Variants in CNTNAP2 observed in about 807,000 individuals in gnomAD.
The protein encoded by CNTNAP2 is contactin associated protein 2.
Under a neutral mutation model 155.2 loss-of-function variants are expected in CNTNAP2, and 98 were observed. That is an observed-to-expected ratio of 0.63 (90% CI 0.54 to 0.75). CNTNAP2 has a LOEUF of 0.75. CNTNAP2 is among the 30% of genes least tolerant of loss of function. The pLI, the probability that CNTNAP2 is intolerant of heterozygous loss-of-function variation, is 0.00. For missense variants in CNTNAP2, 1,727 were observed against 1,688.1 expected (o/e 1.02, Z -0.40); for synonymous variants, 651 against 631.2 (o/e 1.03, Z -0.47).
At chr7:146,611,246 C>T (rs1432737820) in intron 1 of CNTNAP2, among the ~76,000 whole-genome samples, 1 of 152,094 alleles carries the variant, frequency 6.6e-6, no homozygotes, top group Non-Finnish European at 1.5e-5. Flanking sequence ...CCCATTAGGC[C>T]CAGCTAATTT....
chr7:146,393,109 C>G (rs10487936), intron 1 of CNTNAP2, among the ~76,000 whole-genome samples: 37,168 of 151,980 alleles, frequency 0.24, 5,044 homozygotes, highest in Admixed American at 0.4. Flanking sequence ...TAACTGATAA[C>G]GTGCATACAT....
intron 9 of CNTNAP2, among the ~76,000 whole-genome samples, chr7:147,352,326 G>A (rs2116880363): frequency 6.6e-6 from 1 of 152,014 alleles, no homozygotes; most frequent in South Asian, 2.1e-4. Flanking sequence ...TTTGAGATAT[G>A]GCAGAGGATC....
At chr7:148,091,546 A>C (rs1803841804) in intron 15 of CNTNAP2, among the ~76,000 whole-genome samples, 1 of 152,160 alleles carries the variant, frequency 6.6e-6, no homozygotes, top group Admixed American at 6.5e-5. Flanking sequence ...TAAAAAGGCA[A>C]TTTTTCTTTA....
intron 10 of CNTNAP2, among the ~76,000 whole-genome samples, chr7:147,479,095 T>A (rs1798374319): frequency 6.6e-6 from 1 of 152,190 alleles, no homozygotes; most frequent in African/African-American, 2.4e-5. Context: ...AACTCACTGA[T>A]TTATTACTTC....
Position 147,121,077 on chromosome 7 carries a change from G to A in CNTNAP2, c.853G>A (p.Gly285Arg). ...HWHSVVIERQ[G>R]RSINLTLDRS... ...GCACTCTGTGGTCATTGAGCGCCAG[G>A]GGCGGAGCATTAACCTCACTCTGGA... Residue 285 changes from glycine to arginine, a missense_variant, in exon 6 of 24, where the codon GGG becomes AGG. By Grantham distance (125) the Gly-to-Arg change is moderately radical. Transcript: ENST00000361727. 6.2e-7 allele frequency: 1 copy of A among 1,614,094 alleles called. No individual in the cohort carries two copies. The highest frequency in any genetic ancestry group is 8.5e-7 in the Non-Finnish European group (1 of 1,180,004).
intron 2 of CNTNAP2, among the ~76,000 whole-genome samples, chr7:146,791,363 C>T (rs1802670966): frequency 6.6e-6 from 1 of 152,110 alleles, no homozygotes; most frequent in East Asian, 1.9e-4. Flanking sequence ...GGGTTGATTC[C>T]AAGTCCTTGC....
At chr7:147,233,789 T>C (rs1803738086) in intron 8 of CNTNAP2, among the ~76,000 whole-genome samples, 1 of 151,986 alleles carries the variant, frequency 6.6e-6, no homozygotes, top group Non-Finnish European at 1.5e-5. Context: ...AAAATGTATA[T>C]GTCTAAAACA....
At chr7:147,405,124 G>A (rs992035851) in intron 10 of CNTNAP2, among the ~76,000 whole-genome samples, 50 of 152,248 alleles carry the variant, frequency 3.3e-4, no homozygotes, top group African/African-American at 1.1e-3. Flanking sequence ...GTGCATTAAA[G>A]TAATGTCAGA....
At chr7:146,244,730 A>G (rs909324515) in intron 1 of CNTNAP2, among the ~76,000 whole-genome samples, 2 of 152,124 alleles carry the variant, frequency 1.3e-5, no homozygotes, top group Non-Finnish European at 2.9e-5. Context: ...GACTGTATAG[A>G]GGTGGGAAGG....
At chr7:147,333,399 A>C (rs1015121318) in intron 9 of CNTNAP2, among the ~76,000 whole-genome samples, 1 of 152,228 alleles carries the variant, frequency 6.6e-6, no homozygotes, top group African/African-American at 2.4e-5. Context: ...TAAAATCATA[A>C]AATAGACAAA....
At position 148,318,957 on chromosome 7, in the gene CNTNAP2, CA is replaced by C. The variant is rs1299983879; in HGVS notation, c.3475+51835del. Among the ~76,000 whole-genome samples, 2 of 152,220 alleles carry C rather than the reference CA, an allele frequency of 1.3e-5. 1 individual carries two copies. Among genetic ancestry groups the C allele is most frequent in the Admixed American group, 1.3e-4 (2 of 15,286 alleles). On this transcript the variant is annotated intron_variant, in intron 21 of 23. Coordinates refer to ENST00000361727, the MANE Select transcript of CNTNAP2 (RefSeq NM_014141.6). ...CTACATTTTCAAAGTTATCAGTAATCAAAACATTGGGAAAGGAATTACAACC... is the reference window on the plus strand; with the variant it reads ...CTACATTTTCAAAGTTATCAGTAATCAAACATTGGGAAAGGAATTACAACC...
intron 18 of CNTNAP2, among the ~76,000 whole-genome samples, chr7:148,200,409 T>C (rs552797065): frequency 2.2e-4 from 32 of 146,546 alleles, no homozygotes; most frequent in East Asian, 1.2e-3. Context: ...TTCTCTCTCT[T>C]TTTTTTTTTT....
At chr7:147,640,949 C>G (rs564451379) in intron 13 of CNTNAP2, among the ~76,000 whole-genome samples, 7 of 152,170 alleles carry the variant, frequency 4.6e-5, no homozygotes, top group Non-Finnish European at 8.8e-5. Context: ...CCCACCCTAG[C>G]CTTTTAATAT....
At chr7:147,680,788 A>G (rs1197906360) in intron 13 of CNTNAP2, among the ~76,000 whole-genome samples, 1 of 151,626 alleles carries the variant, frequency 6.6e-6, no homozygotes, top group African/African-American at 2.4e-5. Flanking sequence ...ATAATTTATT[A>G]TACAATACAT....
intron 3 of CNTNAP2, among the ~76,000 whole-genome samples, chr7:146,845,794 G>T (rs899820741): frequency 6.6e-6 from 1 of 152,182 alleles, no homozygotes; most frequent in Non-Finnish European, 1.5e-5. Context: ...TGCAGGCTGG[G>T]TCAGTGAGGC....
At chr7:146,598,411 A>AT (rs1585000021) in intron 1 of CNTNAP2, among the ~76,000 whole-genome samples, 1 of 151,800 alleles carries the variant, frequency 6.6e-6, no homozygotes. Context: ...CTGGAGAGTT[A>AT]TTTTTTATAC....
intron 1 of CNTNAP2, among the ~76,000 whole-genome samples, chr7:146,241,739 T>C (rs1799566100): frequency 6.6e-6 from 1 of 152,088 alleles, no homozygotes; most frequent in South Asian, 2.1e-4. Flanking sequence ...TGTAACATTT[T>C]CAAGAAATCA....
chr7:146,546,695 G>T (rs1432058465), intron 1 of CNTNAP2, among the ~76,000 whole-genome samples: 1 of 151,886 alleles, frequency 6.6e-6, no homozygotes, highest in Non-Finnish European at 1.5e-5. Flanking sequence ...TCCACATGAG[G>T]GGAGGCCTCA....
At chr7:147,945,828 C>T (rs755999219) in intron 14 of CNTNAP2, among the ~76,000 whole-genome samples, 2 of 151,248 alleles carry the variant, frequency 1.3e-5, no homozygotes, top group Non-Finnish European at 2.9e-5. Flanking sequence ...TCTTCGCATT[C>T]CCCACTTACT....
Sources: gnomAD v4.1 joint callset for allele counts (sites outside exome capture counted in the v4.1 genomes callset) on GRCh38, gnomAD v4.1.1 for gene constraint, MANE v1.5 for transcripts, NCBI Gene and HGNC (gene_info 2026-07-23, HGNC 2026-07-21) for gene names.